The following TENM1 variants were observed in gnomAD, a reference collection of about 807,000 sequenced individuals.
TENM1 encodes the protein teneurin-1.
TENM1 carries 35 observed loss-of-function variants against 174.8 expected under a neutral mutation model. The ratio of observed to expected loss-of-function variants is 0.20; its 90% CI spans 0.15 to 0.27. The LOEUF is 0.27. TENM1 is among the 10% of genes least tolerant of loss of function. The pLI is 1.00. For synonymous variants in TENM1, 781 were observed against 798.7 expected, an observed-to-expected ratio of 0.98 and a Z score of 0.37; for missense variants, 1,633 against 2,130.1, an observed-to-expected ratio of 0.77 and a Z score of 4.59.
At chrX:125,020,544 T>G in the TENM1 span, among the ~76,000 whole-genome samples, 1 of 109,264 alleles carries the variant, frequency 9.2e-6, no homozygotes, top group Non-Finnish European at 1.9e-5. Context: ...TTATTATTAT[T>G]TTTGCCTAGC....
intron 3 of TENM1, among the ~76,000 whole-genome samples, chrX:124,835,503 T>A (rs1428600868): frequency 1.4e-4 from 16 of 111,850 alleles, no homozygotes. Context: ...TAGTTGATAT[T>A]TATAAATGTT....
intron 23 of TENM1, among the ~76,000 whole-genome samples, chrX:124,434,792 G>C (rs1214782166): frequency 1.8e-5 from 2 of 111,885 alleles, no homozygotes; most frequent in Non-Finnish European, 1.9e-5. Flanking sequence ...AGAACATATT[G>C]TACATGATGC....
chrX:125,164,773 C>A, the TENM1 span, among the ~76,000 whole-genome samples: 1 of 111,589 alleles, frequency 9.0e-6, no homozygotes, highest in Non-Finnish European at 1.9e-5. Flanking sequence ...GTCTTTAATT[C>A]TCTACTGACT....
chrX:124,509,713 ATTTTTTTTTTTTTTT>A lies in TENM1; in HGVS notation c.3302-6025_3302-6011del. On this transcript the variant is annotated intron_variant, in intron 18 of 31. Transcript: ENST00000422452. ...CTTGAAGGATTACCTACTTTCTGGAATTTTTTTTTTTTTTTTTTTTTTTTTAGACAGAGTTTCACT... is the reference window on the plus strand; with the variant it reads ...CTTGAAGGATTACCTACTTTCTGGAATTTTTTTTTTAGACAGAGTTTCACT... 5.3e-5 allele frequency among the ~76,000 whole-genome samples: 4 copies of A among 75,864 alleles called. 2 individuals carry two copies. In the Middle Eastern group the frequency reaches 0.026, roughly 496 times the overall value. The allele number at this position is 75,864 out of a possible 115,157, so 65.9% of individuals were successfully genotyped here. A position where few individuals can be genotyped will look rare whatever the true frequency, so the allele number is the denominator to read the frequency against.
chrX:124,772,330 T>G (rs1053460627), intron 3 of TENM1, among the ~76,000 whole-genome samples: 1 of 111,556 alleles, frequency 9.0e-6, no homozygotes, highest in Non-Finnish European at 1.9e-5. Context: ...GAGACAGGGT[T>G]TCGCCATGTT....
At chrX:124,450,089 G>A (rs1262259837) in intron 23 of TENM1, among the ~76,000 whole-genome samples, 1 of 110,873 alleles carries the variant, frequency 9.0e-6, no homozygotes, top group African/African-American at 3.3e-5. Context: ...TTATGGGGGC[G>A]GGTCTTTCCT....
At chrX:124,926,317 T>C (rs771112350) in intron 1 of TENM1, among the ~76,000 whole-genome samples, 2 of 111,592 alleles carry the variant, frequency 1.8e-5, no homozygotes, top group Non-Finnish European at 3.8e-5. Context: ...CTCCTTAAAA[T>C]GAAGATAACA....
At chrX:124,383,502 C>T in intron 30 of TENM1, 132 bp downstream of exon 33, 1 of 604,591 alleles carries the variant, frequency 1.7e-6, no homozygotes, top group East Asian at 3.3e-5. Flanking sequence ...AGGAAGACAG[C>T]AAATGCACAA....
intron 3 of TENM1, among the ~76,000 whole-genome samples, chrX:124,758,445 A>T (rs1357970683): frequency 2.7e-5 from 3 of 111,850 alleles, no homozygotes; most frequent in South Asian, 3.9e-4. Context: ...GTGGGAATGT[A>T]AAAAGGTGCA....
At chrX:125,064,084 C>A in the TENM1 span, among the ~76,000 whole-genome samples, 1 of 107,948 alleles carries the variant, frequency 9.3e-6, no homozygotes, top group Non-Finnish European at 1.9e-5. Flanking sequence ...ACCACATGTT[C>A]TCACTCATAG....
intron 1 of TENM1, among the ~76,000 whole-genome samples, chrX:124,898,000 T>G (rs1426559365): frequency 5.3e-5 from 6 of 112,569 alleles, no homozygotes; most frequent in Non-Finnish European, 1.1e-4. Context: ...GTGCAGTTGT[T>G]GCTACAGCAA....
chrX:125,144,349 C>T, the TENM1 span, among the ~76,000 whole-genome samples: 1 of 111,796 alleles, frequency 8.9e-6, no homozygotes, highest in Non-Finnish European at 1.9e-5. Flanking sequence ...GCTTCTAATT[C>T]CTGCCACTTT....
chrX:125,039,261 C>CACAA, the TENM1 span, among the ~76,000 whole-genome samples: 1 of 111,531 alleles, frequency 9.0e-6, no homozygotes, highest in Non-Finnish European at 1.9e-5. Context: ...TGTCTTCCCG[C>CACAA]AGGTTTAATT....
chrX:125,006,112 C>T, the TENM1 span, among the ~76,000 whole-genome samples: 1 of 112,065 alleles, frequency 8.9e-6, no homozygotes, highest in African/African-American at 3.2e-5. Flanking sequence ...AGCTGAGAAC[C>T]ACTGGACTGA....
chrX:124,525,238 C>G (rs1027484515), intron 16 of TENM1, among the ~76,000 whole-genome samples: 1 of 111,534 alleles, frequency 9.0e-6, no homozygotes, highest in African/African-American at 3.3e-5. Context: ...AGGCAGTTTC[C>G]AAAAAGAGGA....
chrX:124,977,963 TGTGTGAGAGAGA>T, the TENM1 span, among the ~76,000 whole-genome samples: 2,267 of 39,830 alleles, frequency 0.057, 46 homozygotes, highest in Non-Finnish European at 0.062. Flanking sequence ...TGTGTGTGTG[TGTGTGAGAGAGA>T]GAGAGAGAGA....
chrX:124,503,569 G>C, exon 19 of TENM1: 1 of 1,204,201 alleles, frequency 8.3e-7, no homozygotes, highest in Non-Finnish European at 1.1e-6. Context: ...CCACTTTGAG[G>C]ATTCAAAATG....
intron 11 of TENM1, among the ~76,000 whole-genome samples, chrX:124,588,905 A>G (rs1381446867): frequency 9.1e-6 from 1 of 110,037 alleles, no homozygotes; most frequent in East Asian, 2.9e-4. Flanking sequence ...TCTCTTGCCT[A>G]ATTGCTGTGG....
intron 21 of TENM1, among the ~76,000 whole-genome samples, chrX:124,483,265 G>T (rs778170446): frequency 2.7e-5 from 3 of 111,429 alleles, no homozygotes; most frequent in Non-Finnish European, 5.7e-5. Context: ...TCCAGTCTGG[G>T]TTATTTGCAT....
Sources: gnomAD v4.1 joint callset for allele counts (sites outside exome capture counted in the v4.1 genomes callset) on GRCh38, gnomAD v4.1.1 for gene constraint, MANE v1.5 for transcripts, NCBI Gene and HGNC (gene_info 2026-07-23, HGNC 2026-07-21) for gene names.